The following PLXNA2 variants were observed in gnomAD, a reference collection of about 807,000 sequenced individuals.
PLXNA2 encodes the protein plexin-A2.
In PLXNA2, 91 loss-of-function variants were observed where a neutral mutation model predicts 193.5. The ratio of observed to expected loss-of-function variants is 0.47; its 90% CI spans 0.40 to 0.56. The LOEUF is 0.56. PLXNA2 is among the 20% of genes least tolerant of loss of function. The pLI is 0.00. For synonymous variants in PLXNA2, 997 were observed against 1,027.3 expected (o/e 0.97, Z 0.56); for missense variants, 1,995 against 2,503.2 (o/e 0.80, Z 4.33).
At chr1:208,152,802 T>G (rs1668811588) in intron 3 of PLXNA2, among the ~76,000 whole-genome samples, 2 of 151,536 alleles carry the variant, frequency 1.3e-5, no homozygotes, top group Admixed American at 1.3e-4. Context: ...CATGGCCTTC[T>G]CACCATTTTC....
intron 1 of PLXNA2, among the ~76,000 whole-genome samples, chr1:208,229,660 TGGA>T (rs761024896): frequency 7.9e-5 from 12 of 152,168 alleles, no homozygotes; most frequent in Non-Finnish European, 1.5e-4. Flanking sequence ...GGAAGAAAGA[TGGA>T]GAAGAATGGG....
intron 2 of PLXNA2, among the ~76,000 whole-genome samples, chr1:208,211,987 G>T (rs1167278454): frequency 3.3e-5 from 5 of 152,206 alleles, no homozygotes; most frequent in Non-Finnish European, 7.3e-5. Flanking sequence ...CTCTGACATG[G>T]CCCAGTTAAT....
chr1:208,172,551 G>A (rs537615108), intron 3 of PLXNA2, among the ~76,000 whole-genome samples: 2 of 152,256 alleles, frequency 1.3e-5, no homozygotes, highest in African/African-American at 4.8e-5. Context: ...AGGCTGAGCC[G>A]AGCACATGCC....
At chr1:208,073,585 C>G (rs187461637) in intron 12 of PLXNA2, among the ~76,000 whole-genome samples, 1 of 152,138 alleles carries the variant, frequency 6.6e-6, no homozygotes, top group East Asian at 1.9e-4. Context: ...GCATCTCCCC[C>G]CTCTGATCAG....
intron 3 of PLXNA2, among the ~76,000 whole-genome samples, chr1:208,150,181 G>A (rs1272811532): frequency 6.6e-6 from 1 of 152,184 alleles, no homozygotes; most frequent in African/African-American, 2.4e-5. Flanking sequence ...GAGAATTTCT[G>A]CTGCTCCCAC....
intron 1 of PLXNA2, among the ~76,000 whole-genome samples, chr1:208,237,674 T>C (rs186676716): frequency 9.1e-4 from 138 of 152,328 alleles, no homozygotes; most frequent in African/African-American, 3.1e-3. Flanking sequence ...CCAGCACCTC[T>C]GAGTCTCTCC....
chr1:208,045,302 G>C, intron 18 of PLXNA2, 92 bp from the exon 19 acceptor site: 1 of 1,352,138 alleles, frequency 7.4e-7, no homozygotes, highest in South Asian at 1.3e-5. Context: ...GACGGGGAAG[G>C]GCAGCAGTGC....
chr1:208,164,762 G>A (rs899468159), intron 3 of PLXNA2, among the ~76,000 whole-genome samples: 28 of 152,224 alleles, frequency 1.8e-4, no homozygotes, highest in African/African-American at 6.8e-4. Context: ...CAGTCCGGCA[G>A]CGGCTCCCTG....
rs190094400 is a variant in PLXNA2, at chr1:208,189,959, C to A, written c.1371+20321G>T. On this transcript the variant is annotated intron_variant, in intron 3 of 31. Coordinates refer to ENST00000367033, the MANE Select transcript of PLXNA2 (RefSeq NM_025179.4). ...AGAAATATCTCCACCCTCTTCCCAGCCAAAAGTGTGGTTGTATGTGTAAGA... is the reference window on the plus strand; with the variant it reads ...AGAAATATCTCCACCCTCTTCCCAGACAAAAGTGTGGTTGTATGTGTAAGA... Among the ~76,000 whole-genome samples, 198 of 152,250 alleles carry A rather than the reference C, an allele frequency of 1.3e-3. 1 individual carries two copies. Among genetic ancestry groups the A allele is most frequent in the African/African-American group, 4.6e-3 (191 of 41,550 alleles).
At chr1:208,206,596 T>C (rs944712688) in intron 3 of PLXNA2, among the ~76,000 whole-genome samples, 7 of 152,210 alleles carry the variant, frequency 4.6e-5, no homozygotes, top group African/African-American at 1.7e-4. Flanking sequence ...CTGTCTCATC[T>C]AGTCTATAAG....
rs1200765663 is a variant in PLXNA2, at chr1:208,217,662, T to C, written c.261A>G (p.Pro87=). 2 of 1,614,232 alleles carry C rather than the reference T, an allele frequency of 1.2e-6. No individual in the cohort carries two copies. Among genetic ancestry groups the C allele is most frequent in the Admixed American group, 3.3e-5 (2 of 60,028 alleles). Residue 87 remains proline, a synonymous_variant, in exon 2 of 32, where the codon CCA becomes CCG. Transcript: ENST00000367033. This position sits in a 1 kb window ranked among gnomAD's most constrained non-coding sequence, Gnocchi z 4.7. ...GGTAACAAGACTTGTTGTCCTCTTC[T>C]GGCCCTGTCTTATGAGCCACCTGGA... ...LTIQVAHKTG[P]EEDNKSCYPP...
chr1:208,096,599 A>T, intron 7 of PLXNA2, 131 bp downstream of exon 7: 1 of 1,083,284 alleles, frequency 9.2e-7, no homozygotes, highest in Non-Finnish European at 1.3e-6. Flanking sequence ...TTGCTTTCAA[A>T]CGTAAACAAG....
At chr1:208,198,765 T>C (rs1670442491) in intron 3 of PLXNA2, among the ~76,000 whole-genome samples, 2 of 152,140 alleles carry the variant, frequency 1.3e-5, no homozygotes, top group African/African-American at 2.4e-5. Context: ...CGTGGACATA[T>C]GGAAGCGTAG....
In PLXNA2 at chr1:208,044,545, G is replaced by A; in HGVS notation, c.3837C>T (p.Asp1279=). 6.2e-7 allele frequency: 1 copy of A among 1,614,120 alleles called. No individual in the cohort carries two copies. The highest frequency in any genetic ancestry group is 8.5e-7 in the Non-Finnish European group (1 of 1,179,992). ...CCAAGGCCACACGGGACTCCAGATT[G>A]TCCATCTGCATTTGCAGCCGCTTGA... ...LTLKRLQMQM[D]NLESRVALEC... is the part of the protein sequence containing the mutation. Residue 1279 remains aspartate, a synonymous_variant, in exon 20 of 32, where the codon GAC becomes GAT. Coordinates refer to ENST00000367033, the MANE Select transcript of PLXNA2 (RefSeq NM_025179.4). The surrounding 1 kb of genome is among the most constrained non-coding windows in gnomAD (Gnocchi z 4.9).
rs767873578 is a variant in PLXNA2, at chr1:208,092,771, G to A, written c.2097+15C>T. On this transcript the variant is annotated intron_variant, in intron 9 of 31. Coordinates refer to ENST00000367033, the MANE Select transcript of PLXNA2 (RefSeq NM_025179.4). ...TCACTGGGAACACTGCCATGTTAGG[G>A]TAAGCCCTTCTTACCTCTGAAATAT... The A allele has an allele frequency of 1.9e-6, 3 of 1,580,068 alleles. No individual in the cohort carries two copies. Among genetic ancestry groups the A allele is most frequent in the Non-Finnish European group, 1.7e-6 (2 of 1,150,502 alleles).
chr1:208,155,502 A>C (rs1346971625), intron 3 of PLXNA2, among the ~76,000 whole-genome samples: 1 of 152,134 alleles, frequency 6.6e-6, no homozygotes, highest in South Asian at 2.1e-4. Flanking sequence ...TTTTTCTCTT[A>C]AAAGAGTGCT....
chr1:208,187,993 G>A (rs1056605493), intron 3 of PLXNA2, among the ~76,000 whole-genome samples: 2 of 152,144 alleles, frequency 1.3e-5, no homozygotes, highest in African/African-American at 2.4e-5. Flanking sequence ...AAGGTCAGTG[G>A]CTGTAGAGCT....
At chr1:208,047,039 C>T (rs1665094428) in intron 17 of PLXNA2, among the ~76,000 whole-genome samples, 1 of 152,188 alleles carries the variant, frequency 6.6e-6, no homozygotes, top group Non-Finnish European at 1.5e-5. Flanking sequence ...CAGCTCACTG[C>T]AGCCTCCGCC....
chr1:208,191,838 TGAG>T (rs1670192025), intron 3 of PLXNA2, among the ~76,000 whole-genome samples: 2 of 152,136 alleles, frequency 1.3e-5, no homozygotes, highest in South Asian at 4.2e-4. Flanking sequence ...ATGTGGAAGA[TGAG>T]GAGGTGTTAG....
Sources: allele counts gnomAD v4.1 joint callset (sites outside exome capture counted in the v4.1 genomes callset), GRCh38; gene constraint gnomAD v4.1.1; non-coding constraint Gnocchi (gnomAD v3.1); transcripts MANE v1.5; gene names NCBI Gene and HGNC (gene_info 2026-07-23, HGNC 2026-07-21).